The following WBP11 variants were observed in gnomAD, a reference collection of about 807,000 sequenced individuals.
The protein encoded by WBP11 is WW domain binding protein 11.
A neutral mutation model predicts 66.7 loss-of-function variants in WBP11; 12 were observed. The ratio of observed to expected loss-of-function variants is 0.18; its 90% CI spans 0.12 to 0.29. The LOEUF is 0.29. WBP11 is among the 10% of genes least tolerant of loss of function. The probability of loss-of-function intolerance (pLI) is 1.00; values close to 1 mark genes in which losing one functional copy is unlikely to be tolerated. For synonymous variants in WBP11, 255 were observed against 273.8 expected (o/e 0.93, Z 0.68); for missense variants, 555 against 818.3 (o/e 0.68, Z 3.93).
intron 2 of WBP11, 80 bp downstream of exon 2, chr12:14,801,240 G>T: frequency 1.4e-6 from 2 of 1,393,916 alleles, no homozygotes; most frequent in South Asian, 1.2e-5. Context: ...TTGTAATTAA[G>T]CCACAGAGAA....
chr12:14,794,342 G>A (rs144454380), intron 7 of WBP11, among the ~76,000 whole-genome samples, 195 bp downstream of exon 7: 3 of 152,204 alleles, frequency 2.0e-5, no homozygotes, highest in Non-Finnish European at 4.4e-5. Flanking sequence ...TTTAAAACAC[G>A]ATAAACATTT....
At position 14,794,951 on chromosome 12, in the gene WBP11, T is replaced by A; in HGVS notation, c.521+20A>T. ...TGTGCCTTTACTAAATGCTCTCTGA[T>A]TGTGACACTGCTTCCTTACCCATAG... On this transcript the variant is annotated intron_variant, in intron 6 of 11. Coordinates refer to ENST00000261167, the MANE Select transcript of WBP11 (RefSeq NM_016312.3). 1 of 1,612,114 alleles carries A rather than the reference T, an allele frequency of 6.2e-7. No individual in the cohort carries two copies. The highest frequency in any genetic ancestry group is 2.2e-5 in the East Asian group (1 of 44,886).
Position 14,788,957 on chromosome 12 carries a change from G to A in WBP11, c.1486C>T (p.Pro496Ser). ...GPPPRLPPPA[P>S]PGIPPPRPGM... Reference sequence around the variant, plus strand: ...TAGAAATTGAAAGCATCACCTGGAGGTGCAGGGGGAGGTAGCCTTGGTGGG... The same window carrying A: ...TAGAAATTGAAAGCATCACCTGGAGATGCAGGGGGAGGTAGCCTTGGTGGG... The change falls in exon 11 of 12, where the codon CCT (proline) becomes TCT (serine). Residue 496 changes from proline to serine, a missense_variant. Around this residue, in one of 6 missense-constraint regions of WBP11, gnomAD observed 230 missense variants for 286.3 expected, o/e 0.80. Coordinates refer to ENST00000261167, the MANE Select transcript of WBP11 (RefSeq NM_016312.3). 6.9e-7 allele frequency: 1 copy of A among 1,448,340 alleles called. No individual in the cohort carries two copies. Among genetic ancestry groups the A allele is most frequent in the Admixed American group, 3.1e-5 (1 of 32,482 alleles). The allele number at this position is 1,448,340 out of a possible 1,614,324, so 89.7% of individuals were successfully genotyped here. A position where few individuals can be genotyped will look rare whatever the true frequency, so the allele number is the denominator to read the frequency against.
rs1949894556 is a variant in WBP11, at chr12:14,796,374, A to C, written c.387+433T>G. 6.6e-6 allele frequency among the ~76,000 whole-genome samples: 1 copy of C among 152,218 alleles called. No homozygotes were observed. The highest frequency in any genetic ancestry group is 2.1e-4 in the South Asian group (1 of 4,832). On this transcript the variant is annotated intron_variant, in intron 5 of 11. Coordinates refer to ENST00000261167, the MANE Select transcript of WBP11 (RefSeq NM_016312.3). This position sits in a 1 kb window ranked among gnomAD's most constrained non-coding sequence, Gnocchi z 4.5. ...AGGTTCACACAGTAGGTATATGTTT[A>C]GTTTTAGAAGAAACTGCTATAAGGA...
At position 14,803,402 on chromosome 12, in the gene WBP11, G is replaced by C. The variant is rs549801744; in HGVS notation, c.-96C>G. Reference sequence around the variant, plus strand: ...GAGAAGCGGGTAGGGGGCGACTCCCGGCCTCTTTCACTTCGTAAAGGCCTT... The same window carrying C: ...GAGAAGCGGGTAGGGGGCGACTCCCCGCCTCTTTCACTTCGTAAAGGCCTT... On this transcript the variant is annotated 5_prime_UTR_variant, in exon 1 of 12. Transcript: ENST00000261167. 2 of 398,686 alleles carry C rather than the reference G, an allele frequency of 5.0e-6. No individual in the cohort carries two copies. Among genetic ancestry groups the C allele is most frequent in the Admixed American group, 8.8e-5 (2 of 22,734 alleles). The allele number at this position is 398,686 out of a possible 1,614,324, so 24.7% of individuals were successfully genotyped here.
intron 4 of WBP11, among the ~76,000 whole-genome samples, chr12:14,797,649 T>G (rs11615521): frequency 0.012 from 1,819 of 152,298 alleles, 20 homozygotes; most frequent in Middle Eastern, 0.037. Context: ...TCCTTTTCAG[T>G]GAATGACTCA....
intron 7 of WBP11, 60 bp downstream of exon 7, chr12:14,794,477 T>C: frequency 6.3e-7 from 1 of 1,591,644 alleles, no homozygotes; most frequent in Non-Finnish European, 8.6e-7. Context: ...GAACAATATG[T>C]TAAACAGGGC....
At chr12:14,793,624 G>C in intron 8 of WBP11, 107 bp downstream of exon 8, 1 of 1,339,122 alleles carries the variant, frequency 7.5e-7, no homozygotes, top group Non-Finnish European at 1.0e-6. Context: ...CTATGATCCC[G>C]ACTTCCAAAG....
At chr12:14,795,359 C>T (rs1007192043) in intron 5 of WBP11, among the ~76,000 whole-genome samples, 4 of 152,042 alleles carry the variant, frequency 2.6e-5, no homozygotes, top group East Asian at 1.9e-4. Context: ...TTGGATGATT[C>T]GAAACAGCTG....
intron 4 of WBP11, chr12:14,799,348 T>C (rs1949932108): frequency 4.5e-6 from 1 of 222,888 alleles, no homozygotes; most frequent in Non-Finnish European, 8.8e-6. Flanking sequence ...ATAAATCAGA[T>C]TAAGTCTTCT....
Position 14,789,150 on chromosome 12 carries a change from G to A in WBP11, c.1310-17C>T. Reference sequence around the variant, plus strand: ...GAGGAGCTCCTGAAAAGAGAAAAATGATAAATTAATGTCACACAAATGTAC... The same window carrying A: ...GAGGAGCTCCTGAAAAGAGAAAAATAATAAATTAATGTCACACAAATGTAC... On this transcript the variant is annotated splice_polypyrimidine_tract_variant and intron_variant, in intron 10 of 11. Transcript: ENST00000261167. 5 of 1,525,732 alleles carry A rather than the reference G, an allele frequency of 3.3e-6. No individual in the cohort carries two copies. The highest frequency in any genetic ancestry group is 2.6e-6 in the Non-Finnish European group (3 of 1,147,616). 94.5% of individuals were successfully genotyped at this position (1,525,732 alleles called of 1,614,324 possible).
chr12:14,789,745 G>A (rs1949799627), intron 10 of WBP11, among the ~76,000 whole-genome samples: 1 of 152,142 alleles, frequency 6.6e-6, no homozygotes, highest in Non-Finnish European at 1.5e-5. Flanking sequence ...TCCAGTATAA[G>A]CTGAAAATGG....
Position 14,786,971 on chromosome 12 carries a change from C to A in WBP11, c.*94G>T, listed in dbSNP as rs1161072250. 4.7e-6 allele frequency: 6 copies of A among 1,282,594 alleles called. No individual in the cohort carries two copies. The Admixed American group carries it at 1.1e-4, about 24-fold the overall frequency. The allele number at this position is 1,282,594 out of a possible 1,614,324, so 79.5% of individuals were successfully genotyped here. ...GAACTGAAATTAGAAAATACCCTGA[C>A]AATGGAAGCAGCTCTTTCATCTAAG... On this transcript the variant is annotated 3_prime_UTR_variant, in exon 12 of 12. Coordinates refer to ENST00000261167, the MANE Select transcript of WBP11 (RefSeq NM_016312.3).
intron 7 of WBP11, 96 bp from the exon 8 acceptor site, chr12:14,794,018 C>A (rs976591288): frequency 9.2e-6 from 6 of 649,998 alleles, no homozygotes; most frequent in Non-Finnish European, 1.3e-5. Flanking sequence ...TCAACTCAGA[C>A]TGTAACAACT....
chr12:14,792,794 T>C (rs1204463052), intron 8 of WBP11, among the ~76,000 whole-genome samples: 7 of 150,172 alleles, frequency 4.7e-5, no homozygotes, highest in African/African-American at 9.8e-5. Context: ...GATTGTGCCA[T>C]TGCACTCCAA....
At chr12:14,797,965 CT>C (rs942222168) in intron 4 of WBP11, among the ~76,000 whole-genome samples, 3 of 151,904 alleles carry the variant, frequency 2.0e-5, no homozygotes, top group South Asian at 2.1e-4. Flanking sequence ...GATTTCTCAT[CT>C]TTTTTTTATG....
In WBP11 at chr12:14,784,647, A is replaced by ATAGC. The variant is rs1384279057; in HGVS notation, c.*2417_*2418insGCTA. 1 of 152,228 alleles carries ATAGC rather than the reference A, an allele frequency of 6.6e-6. No homozygotes were observed. The highest frequency in any genetic ancestry group is 1.5e-5 in the Non-Finnish European group (1 of 68,034). 9.4% of individuals were successfully genotyped at this position (152,228 alleles called of 1,614,324 possible). The stretch of plus-strand genomic sequence containing the variant: ...ATATACAAAATGAGAACTGAAACAG[A>ATAGC]ATCTTGGATAGCATCCAGGGCTTCA... On this transcript the variant is annotated 3_prime_UTR_variant, in exon 12 of 12. Transcript: ENST00000261167.
rs772589548 is a variant in WBP11, at chr12:14,787,345, G to A, written c.1646C>T (p.Thr549Ile). ...TTTCTTCTCAATGGTGGCTGCACTT[G>A]TATCATCCGCCTTGGGTCGCTGAAT... ...NLIQRPKADD[T>I]SAATIEKKAT... Residue 549 changes from threonine (T) to isoleucine (I), a missense_variant, in exon 12 of 12, where the codon ACA becomes ATA. Physicochemically the swap from Thr to Ile is moderately conservative, Grantham distance 89. Transcript: ENST00000261167. 2 of 1,613,274 alleles carry A rather than the reference G, an allele frequency of 1.2e-6. No individual in the cohort carries two copies. Among genetic ancestry groups the A allele is most frequent in the Non-Finnish European group, 1.7e-6 (2 of 1,179,314 alleles).
chr12:14,797,056 G>GT, intron 4 of WBP11, 53 bp from the exon 5 acceptor site: 2 of 1,445,974 alleles, frequency 1.4e-6, no homozygotes, highest in Non-Finnish European at 9.2e-7. Context: ...CTTCAATTAG[G>GT]TATCAATAGG....
Sources: gnomAD v4.1 joint callset for allele counts (sites outside exome capture counted in the v4.1 genomes callset) on GRCh38, gnomAD v4.1.1 for gene constraint, gnomAD v4.1.1 regional missense constraint, Gnocchi (gnomAD v3.1) non-coding constraint, MANE v1.5 for transcripts, NCBI Gene and HGNC (gene_info 2026-07-23, HGNC 2026-07-21) for gene names.